BRCA1: variants seen among roughly 807,000 people sequenced by gnomAD.
BRCA1 encodes BRCA1 DNA repair associated.
BRCA1 carries 140 observed loss-of-function variants against 173.7 expected under a neutral mutation model. The ratio of observed to expected loss-of-function variants is 0.81; its 90% CI spans 0.70 to 0.93. The LOEUF is 0.93. Ranked by LOEUF, BRCA1 falls within the 40% of genes least tolerant of loss-of-function variation. The pLI, the probability that BRCA1 is intolerant of heterozygous loss-of-function variation, is 0.00. For missense variants in BRCA1, 1,983 were observed against 2,172.5 expected, an observed-to-expected ratio of 0.91 and a Z score of 1.73; for synonymous variants, 662 against 756.0, an observed-to-expected ratio of 0.88 and a Z score of 2.04.
chr17:43,164,955 C>CT (rs995264165), intron 1 of BRCA1: 61 of 152,102 alleles, frequency 4.0e-4, no homozygotes, highest in African/African-American at 1.4e-3. Context: ...TCCTTAGTGC[C>CT]TTTTTCCTGA....
At chr17:43,137,906 G>T (rs370799514) in intron 1 of BRCA1, among the ~76,000 whole-genome samples, 4 of 152,028 alleles carry the variant, frequency 2.6e-5, no homozygotes, top group African/African-American at 2.4e-5. Flanking sequence ...CCCAAAATAG[G>T]CCGGGCGCGG....
intron 11 of BRCA1, among the ~76,000 whole-genome samples, chr17:43,090,132 T>G (rs2053391354): frequency 6.6e-6 from 1 of 151,670 alleles, no homozygotes. Context: ...AACCCTATAG[T>G]CTCCAACTTG....
chr17:43,106,536 A>G lies in BRCA1; in HGVS notation c.135-3T>C, dbSNP rs759417413. On this transcript the variant is annotated splice_polypyrimidine_tract_variant and splice_region_variant and intron_variant, in intron 3 of 22. Transcript: ENST00000357654. The stretch of plus-strand genomic sequence containing the variant: ...TGAGAAGTTTCAGCATGCAAAATCT[A>G]TAAATTATAAAGAAAGAAAGAACAA... The G allele has an allele frequency of 1.4e-5, 22 of 1,577,254 alleles. No individual in the cohort carries two copies. The South Asian group carries it at 1.9e-4, about 14-fold the overall frequency.
intron 15 of BRCA1, 80 bp from the exon 16 acceptor site, chr17:43,067,775 T>C: frequency 9.8e-7 from 1 of 1,023,194 alleles, no homozygotes; most frequent in Non-Finnish European, 1.5e-6. Flanking sequence ...CACCATGGCA[T>C]ATGTTTACCT....
At chr17:43,063,457 A>G in intron 17 of BRCA1, 84 bp from the exon 18 acceptor site, 1 of 1,135,972 alleles carries the variant, frequency 8.8e-7, no homozygotes, top group Non-Finnish European at 1.3e-6. Context: ...GCGATTCACA[A>G]AAGAGCACAG....
In BRCA1 at chr17:43,115,790, A is replaced by G. The variant is rs767144634; in HGVS notation, c.81-11T>C. On this transcript the variant is annotated splice_polypyrimidine_tract_variant and intron_variant, in intron 2 of 22. Transcript: ENST00000357654. ...TTGATCAACTCCAGACTAGCAGGGT[A>G]GGGGGGGAGAAAAAGAAAATAAATG... The G allele has an allele frequency of 1.2e-6, 2 of 1,610,774 alleles. No individual in the cohort carries two copies. Among genetic ancestry groups the G allele is most frequent in the Non-Finnish European group, 1.7e-6 (2 of 1,178,284 alleles).
chr17:43,044,991 A>G lies in BRCA1; in HGVS notation c.*687T>C. ...GCTAATTTCTGTATTTTTAGTAGAG[A>G]TGGGGTTTCACCATGTTGGCCAGGC... On this transcript the variant is annotated 3_prime_UTR_variant, in exon 23 of 23. Coordinates refer to ENST00000357654, the MANE Select transcript of BRCA1 (RefSeq NM_007294.4). 1 of 490,402 alleles carries G rather than the reference A, an allele frequency of 2.0e-6. No homozygotes were observed. The highest frequency in any genetic ancestry group is 4.0e-6 in the Non-Finnish European group (1 of 248,730). The allele number at this position is 490,402 out of a possible 1,614,324, so 30.4% of individuals were successfully genotyped here.
At chr17:43,138,558 C>T (rs1225093962) in intron 1 of BRCA1, 7 of 689,584 alleles carry the variant, frequency 1.0e-5, no homozygotes, top group Admixed American at 6.2e-5. Context: ...TGCCAGGACA[C>T]CTCCAAGTAT....
intron 1 of BRCA1, chr17:43,124,906 C>G (rs1231390575): frequency 1.6e-5 from 5 of 315,178 alleles, no homozygotes; most frequent in Non-Finnish European, 3.2e-5. Flanking sequence ...GCACCACGCC[C>G]GGCTAATTTT....
chr17:43,143,086 ATATTTATT>A (rs907958674), intron 1 of BRCA1, among the ~76,000 whole-genome samples: 22 of 149,168 alleles, frequency 1.5e-4, no homozygotes, highest in South Asian at 8.4e-4. Context: ...GTGTGTGTGT[ATATTTATT>A]TATTTATTTA....
At chr17:43,109,153 T>C (rs1239938136) in intron 3 of BRCA1, among the ~76,000 whole-genome samples, 1 of 151,948 alleles carries the variant, frequency 6.6e-6, no homozygotes, top group Non-Finnish European at 1.5e-5. Context: ...GCCATTGCGC[T>C]GGGCTACTTT....
chr17:43,145,237 T>G (rs953212971), intron 1 of BRCA1: 2 of 692,604 alleles, frequency 2.9e-6, no homozygotes, highest in African/African-American at 3.6e-5. Flanking sequence ...AAGCAGGAGA[T>G]AAAGAAGCCA....
Position 43,079,349 on chromosome 17 carries a change from T to C in BRCA1, c.4358-2735A>G, listed in dbSNP as rs1057517571. 1.9e-6 allele frequency: 3 copies of C among 1,595,652 alleles called. No individual in the cohort carries two copies. In the Admixed American group the frequency reaches 5.0e-5, roughly 27 times the overall value. ...GGAGAGGCACCTGATATATGTTCTC[T>C]AGGCCTTTTAGAAAACATGGAGTTG... On this transcript the variant is annotated intron_variant, in intron 12 of 22. Coordinates refer to ENST00000357654, the MANE Select transcript of BRCA1 (RefSeq NM_007294.4).
At chr17:43,105,498 C>A (rs1468362460) in intron 4 of BRCA1, among the ~76,000 whole-genome samples, 2 of 152,148 alleles carry the variant, frequency 1.3e-5, no homozygotes, top group East Asian at 3.9e-4. Context: ...ACCTCAGCCT[C>A]CTAGAGTGCT....
chr17:43,046,508 C>A (rs1191284292), intron 22 of BRCA1, among the ~76,000 whole-genome samples: 2 of 151,920 alleles, frequency 1.3e-5, no homozygotes, highest in Non-Finnish European at 2.9e-5. Context: ...AGCGATTCTC[C>A]TGCCTCAGTC....
intron 18 of BRCA1, among the ~76,000 whole-genome samples, chr17:43,061,029 G>C (rs1307376705): frequency 6.6e-6 from 1 of 152,114 alleles, no homozygotes; most frequent in Non-Finnish European, 1.5e-5. Context: ...AGGAGGCCAA[G>C]GCAGGAGAAT....
At chr17:43,122,889 G>GA (rs1225407101) in intron 2 of BRCA1, among the ~76,000 whole-genome samples, 6 of 148,612 alleles carry the variant, frequency 4.0e-5, no homozygotes, top group Admixed American at 6.7e-5. Context: ...TACTAAAAAA[G>GA]AAAAAAAAAT....
At chr17:43,145,299 CT>C in intron 1 of BRCA1, 1 of 602,980 alleles carries the variant, frequency 1.7e-6, no homozygotes, top group Non-Finnish European at 3.1e-6. Context: ...TGTCTCCCTT[CT>C]TTACAATTCA....
Position 43,108,706 on chromosome 17 carries a change from C to CAAA in BRCA1, c.135-2176_135-2174dup, listed in dbSNP as rs35561635. ...TGGGCAACAGAGGAAGACTCTGTCTCAAAAAAAAAAAAAAAAAAAAAAAAA... is the reference window on the plus strand; with the variant it reads ...TGGGCAACAGAGGAAGACTCTGTCTCAAAAAAAAAAAAAAAAAAAAAAAAAAAA... On this transcript the variant is annotated intron_variant, in intron 3 of 22. Coordinates refer to ENST00000357654, the MANE Select transcript of BRCA1 (RefSeq NM_007294.4). Among the ~76,000 whole-genome samples the CAAA allele has an allele frequency of 3.7e-3, 59 of 16,082 alleles. 12 individuals carry two copies. Among genetic ancestry groups the CAAA allele is most frequent in the East Asian group, 0.012 (5 of 422 alleles). 10.6% of individuals were successfully genotyped at this position (16,082 alleles called of 152,430 possible). A position where few individuals can be genotyped will look rare whatever the true frequency, so the allele number is the denominator to read the frequency against.
Sources: gnomAD v4.1 joint callset for allele counts (sites outside exome capture counted in the v4.1 genomes callset) on GRCh38, gnomAD v4.1.1 for gene constraint, MANE v1.5 for transcripts, NCBI Gene and HGNC (gene_info 2026-07-23, HGNC 2026-07-21) for gene names.